The following PLPP1 variants were observed in gnomAD, a reference collection of about 807,000 sequenced individuals.
PLPP1 encodes the protein lipid phosphate phosphohydrolase 1a.
Under a neutral mutation model 31.2 loss-of-function variants are expected in PLPP1, and 24 were observed. The ratio of observed to expected loss-of-function variants is 0.77; its 90% CI spans 0.56 to 1.08. PLPP1 has a LOEUF of 1.08. Among genes scored for constraint, PLPP1 ranks in the 50% least tolerant of loss-of-function variants. The pLI is 0.00. For synonymous variants in PLPP1, 146 were observed against 126.3 expected (o/e 1.16, Z -1.05); for missense variants, 319 against 342.7 (o/e 0.93, Z 0.55).
In PLPP1 at chr5:55,534,705, C is replaced by G; in HGVS notation, c.-76G>C. On this transcript the variant is annotated 5_prime_UTR_variant, in exon 1 of 6. Coordinates refer to ENST00000307259, the MANE Select transcript of PLPP1 (RefSeq NM_003711.4). ...GCGGCCGAGGCCCTTGATTCTCGAGCCCGGGCCGGGGCTGGCGACGGCCCC... is the reference window on the plus strand; with the variant it reads ...GCGGCCGAGGCCCTTGATTCTCGAGGCCGGGCCGGGGCTGGCGACGGCCCC... 1 of 1,446,000 alleles carries G rather than the reference C, an allele frequency of 6.9e-7. No homozygotes were observed. The highest frequency in any genetic ancestry group is 9.3e-7 in the Non-Finnish European group (1 of 1,078,838). 89.6% of individuals were successfully genotyped at this position (1,446,000 alleles called of 1,614,324 possible).
chr5:55,426,008 C>T lies in PLPP1; in HGVS notation c.581G>A (p.Trp194Ter). 3 of 1,609,736 alleles carry T rather than the reference C, an allele frequency of 1.9e-6. No individual in the cohort carries two copies. The highest frequency in any genetic ancestry group is 2.5e-6 in the Non-Finnish European group (3 of 1,178,834). The stretch of plus-strand genomic sequence containing the variant: ...CAGTGTGGGGCGTAAGAGTCTTGCC[C>T]AGTCTCCCTTCATCCTGGCTTGAAG... ...LYLQARMKGD[W>*]ARLLRPTLQF... The change falls in exon 5 of 6, where the codon TGG becomes TAG. Residue 194 changes from tryptophan (W) to a stop codon, truncating the protein, a stop_gained. Coordinates refer to ENST00000307259, the MANE Select transcript of PLPP1 (RefSeq NM_003711.4). LOFTEE classifies it high-confidence loss of function.
intron 1 of PLPP1, among the ~76,000 whole-genome samples, chr5:55,520,753 TAG>T (rs1753646386): frequency 6.6e-6 from 1 of 152,232 alleles, no homozygotes; most frequent in Non-Finnish European, 1.5e-5. Flanking sequence ...GCACCAATAT[TAG>T]AGTGTTTTCA....
At chr5:55,462,437 A>G (rs1357592039) in intron 3 of PLPP1, among the ~76,000 whole-genome samples, 1 of 152,228 alleles carries the variant, frequency 6.6e-6, no homozygotes, top group Admixed American at 6.5e-5. Context: ...CCAGATATTC[A>G]ATGGAGAAAA....
rs34267008 is a variant in PLPP1, at chr5:55,526,931, CAAAAAAAAAAA to C, written c.58+7630_58+7640del. ...TGGGCGACAGAGCGAGATTCCATCTCAAAAAAAAAAAAAAAAAAAAAAAGTTAAATAGAAGA... is the reference window on the plus strand; with the variant it reads ...TGGGCGACAGAGCGAGATTCCATCTCAAAAAAAAAAAAGTTAAATAGAAGA... On this transcript the variant is annotated intron_variant, in intron 1 of 5. Transcript: ENST00000307259. Among the ~76,000 whole-genome samples, 8 of 75,504 alleles carry C rather than the reference CAAAAAAAAAAA, an allele frequency of 1.1e-4. No homozygotes were observed. The Admixed American group carries it at 1.1e-3, about 10-fold the overall frequency. The allele number at this position is 75,504 out of a possible 152,430, so 49.5% of individuals were successfully genotyped here. A position where few individuals can be genotyped will look rare whatever the true frequency, so the allele number is the denominator to read the frequency against.
chr5:55,519,892 T>A (rs185925278), intron 1 of PLPP1, among the ~76,000 whole-genome samples: 88 of 152,330 alleles, frequency 5.8e-4, no homozygotes, highest in Admixed American at 1.9e-3. Context: ...AATCATTACA[T>A]ACATCTATTT....
chr5:55,458,078 CAG>C (rs1227357888), intron 3 of PLPP1, among the ~76,000 whole-genome samples: 3 of 152,098 alleles, frequency 2.0e-5, no homozygotes, highest in East Asian at 3.9e-4. Flanking sequence ...AAGTACAAAA[CAG>C]AGAATCAACA....
chr5:55,523,775 G>A (rs1753723626), intron 1 of PLPP1, among the ~76,000 whole-genome samples: 1 of 152,020 alleles, frequency 6.6e-6, no homozygotes, highest in Admixed American at 6.6e-5. Context: ...TCCTCCCTAT[G>A]CTTGGAATTT....
At chr5:55,492,536 G>A (rs980558408) in intron 1 of PLPP1, among the ~76,000 whole-genome samples, 1 of 152,170 alleles carries the variant, frequency 6.6e-6, no homozygotes, top group African/African-American at 2.4e-5. Context: ...AGGCAACTGA[G>A]TTGAAGGTGA....
chr5:55,467,061 C>T (rs1752312584), intron 3 of PLPP1, among the ~76,000 whole-genome samples: 2 of 152,070 alleles, frequency 1.3e-5, no homozygotes. Flanking sequence ...CTAAAGGTGT[C>T]CCAGCATGCA....
chr5:55,523,422 A>G (rs1753716345), intron 1 of PLPP1, among the ~76,000 whole-genome samples: 1 of 152,104 alleles, frequency 6.6e-6, no homozygotes, highest in African/African-American at 2.4e-5. Context: ...ATCTGCATTC[A>G]AAAGTTATAA....
intron 1 of PLPP1, among the ~76,000 whole-genome samples, chr5:55,506,071 C>T (rs1402365497): frequency 1.3e-5 from 2 of 151,376 alleles, no homozygotes; most frequent in African/African-American, 4.8e-5. Flanking sequence ...CAAAACAAAA[C>T]AAAACAAAAC....
At chr5:55,532,304 G>A (rs1458706618) in intron 1 of PLPP1, among the ~76,000 whole-genome samples, 2 of 151,802 alleles carry the variant, frequency 1.3e-5, no homozygotes, top group African/African-American at 4.8e-5. Flanking sequence ...GCAGTATTAT[G>A]TTTCAGCCAT....
intron 1 of PLPP1, among the ~76,000 whole-genome samples, chr5:55,528,060 T>C (rs1740531662): frequency 6.6e-6 from 1 of 152,182 alleles, no homozygotes; most frequent in African/African-American, 2.4e-5. Context: ...CAGAAAGATA[T>C]TCTAAATGAT....
chr5:55,462,711 C>T (rs914672814), intron 3 of PLPP1, among the ~76,000 whole-genome samples: 1 of 152,154 alleles, frequency 6.6e-6, no homozygotes. Flanking sequence ...CAGTGGCTCA[C>T]ACCTATAATC....
At chr5:55,462,927 C>G (rs978683610) in intron 3 of PLPP1, among the ~76,000 whole-genome samples, 3 of 151,662 alleles carry the variant, frequency 2.0e-5, no homozygotes, top group Middle Eastern at 3.4e-3. Flanking sequence ...GAGCCAAGAT[C>G]GTGCCACTGC....
intron 1 of PLPP1, among the ~76,000 whole-genome samples, chr5:55,498,357 A>G (rs1421050772): frequency 2.0e-5 from 3 of 151,990 alleles, no homozygotes; most frequent in Non-Finnish European, 4.4e-5. Context: ...GATGTTTAGG[A>G]AGTTATTCCT....
chr5:55,500,077 A>ATT (rs72040194), intron 1 of PLPP1, among the ~76,000 whole-genome samples: 6,776 of 112,328 alleles, frequency 0.06, 344 homozygotes, highest in African/African-American at 0.12. Context: ...TTCTCTAAAA[A>ATT]TTTTTTTTTT....
chr5:55,487,916 G>C (rs1752808269), intron 1 of PLPP1, among the ~76,000 whole-genome samples: 1 of 151,942 alleles, frequency 6.6e-6, no homozygotes, highest in South Asian at 2.1e-4. Context: ...ATCACCTGAG[G>C]TCAGGGTTCC....
intron 1 of PLPP1, among the ~76,000 whole-genome samples, chr5:55,500,906 T>G (rs2111880241): frequency 6.6e-6 from 1 of 152,340 alleles, no homozygotes; most frequent in East Asian, 1.9e-4. Flanking sequence ...TTACCTGAAA[T>G]CATCCATACT....
Sources: gnomAD v4.1 joint callset for allele counts (sites outside exome capture counted in the v4.1 genomes callset) on GRCh38, gnomAD v4.1.1 for gene constraint, MANE v1.5 for transcripts, NCBI Gene and HGNC (gene_info 2026-07-23, HGNC 2026-07-21) for gene names.